DENND2C: variants seen among roughly 807,000 people sequenced by gnomAD.
DENND2C encodes DENN domain containing 2C.
A neutral mutation model predicts 112.4 loss-of-function variants in DENND2C; 72 were observed. The ratio of observed to expected loss-of-function variants is 0.64; its 90% CI spans 0.53 to 0.78. DENND2C has a LOEUF of 0.78. Ranked by LOEUF, DENND2C falls within the 30% of genes least tolerant of loss-of-function variation. The probability of loss-of-function intolerance (pLI) is 0.00; values close to 1 mark genes in which losing one functional copy is unlikely to be tolerated. For missense variants in DENND2C, 992 were observed against 1,113.8 expected (o/e 0.89, Z 1.56); for synonymous variants, 329 against 381.6 (o/e 0.86, Z 1.61).
At chr1:114,662,438 A>T (rs139970826) in intron 1 of DENND2C, among the ~76,000 whole-genome samples, 6 of 152,330 alleles carry the variant, frequency 3.9e-5, no homozygotes, top group Non-Finnish European at 7.4e-5. Context: ...TATGAATTCA[A>T]ACTTGAAGGA....
Position 114,625,596 on chromosome 1 carries a change from T to C in DENND2C, c.389A>G (p.Asp130Gly), listed in dbSNP as rs753308784. 3.7e-6 allele frequency: 6 copies of C among 1,614,186 alleles called. No individual in the cohort carries two copies. Among genetic ancestry groups the C allele is most frequent in the Non-Finnish European group, 5.1e-6 (6 of 1,180,026 alleles). ...TAATGAAGTCTCTGGATCTAAGACA[T>C]CTTCTTTACAGCTTTCAATTTCTTT... ...RVKEIESCKEDVLDPETSLPP... is the reference protein window; with the variant it reads ...RVKEIESCKEGVLDPETSLPP... The change falls in exon 4 of 21, where the codon GAT becomes GGT. Residue 130 changes from aspartate (D) to glycine (G), a missense_variant. Physicochemically the swap from Asp to Gly is moderately conservative, Grantham distance 94. Around this residue, in one of 3 missense-constraint regions of DENND2C, gnomAD observed 470 missense variants for 472.7 expected, o/e 0.99. Coordinates refer to ENST00000393274, the MANE Select transcript of DENND2C (RefSeq NM_001256404.2).
intron 7 of DENND2C, 75 bp from the exon 8 acceptor site, chr1:114,618,557 A>G (rs1318556424): frequency 8.5e-6 from 7 of 825,466 alleles, no homozygotes; most frequent in Non-Finnish European, 1.3e-5. Context: ...TTAATCTATT[A>G]GGGATTCTTA....
At chr1:114,608,285 A>C (rs1411110805) in intron 10 of DENND2C, among the ~76,000 whole-genome samples, 2 of 152,096 alleles carry the variant, frequency 1.3e-5, no homozygotes, top group Non-Finnish European at 2.9e-5. Context: ...AAAAAGAAAG[A>C]AAAAGAAAAG....
chr1:114,651,949 T>G (rs1657178503), intron 2 of DENND2C, among the ~76,000 whole-genome samples: 1 of 151,866 alleles, frequency 6.6e-6, no homozygotes, highest in African/African-American at 2.4e-5. Context: ...TAGCCCAGCA[T>G]GGGATGTTAG....
chr1:114,640,607 A>G (rs992206528), intron 3 of DENND2C, among the ~76,000 whole-genome samples: 9 of 152,174 alleles, frequency 5.9e-5, no homozygotes, highest in Non-Finnish European at 1.0e-4. Flanking sequence ...TAGAGACATT[A>G]AGGTCCACTT....
intron 9 of DENND2C, 151 bp downstream of exon 9, chr1:114,610,922 C>T (rs1350566474): frequency 9.0e-6 from 8 of 886,864 alleles, no homozygotes; most frequent in Non-Finnish European, 1.4e-5. Flanking sequence ...CTGTTTAATT[C>T]TCCAAACCTC....
At chr1:114,593,571 G>A (rs1341100669) in intron 18 of DENND2C, among the ~76,000 whole-genome samples, 1 of 152,130 alleles carries the variant, frequency 6.6e-6, no homozygotes, top group African/African-American at 2.4e-5. Context: ...GATTGCTTGA[G>A]ACCAGGAGTT....
At chr1:114,640,557 T>C (rs905334080) in intron 3 of DENND2C, among the ~76,000 whole-genome samples, 1 of 152,176 alleles carries the variant, frequency 6.6e-6, no homozygotes, top group African/African-American at 2.4e-5. Flanking sequence ...TGTGTGACCA[T>C]GGTGGGGTAT....
chr1:114,606,464 A>G (rs921637079), intron 10 of DENND2C, among the ~76,000 whole-genome samples: 1 of 152,180 alleles, frequency 6.6e-6, no homozygotes, highest in Non-Finnish European at 1.5e-5. Flanking sequence ...TAAACCCAAC[A>G]GTCCTAAAGT....
In DENND2C at chr1:114,621,916, C is replaced by T. The variant is rs1430063989; in HGVS notation, c.1206G>A (p.Thr402=). ...TTACCCTTGGAAGATTTTTCCTTTTCGTGTTTGCAACTTCACCAGCTCGGA... is the reference window on the plus strand; with the variant it reads ...TTACCCTTGGAAGATTTTTCCTTTTTGTGTTTGCAACTTCACCAGCTCGGA... ...KLFRAGEVAN[T]KRKNLPRLVL... is the part of the protein sequence containing the mutation. Residue 402 remains threonine, a synonymous_variant, in exon 7 of 21, where the codon ACG becomes ACA. Coordinates refer to ENST00000393274, the MANE Select transcript of DENND2C (RefSeq NM_001256404.2). The T allele has an allele frequency of 1.5e-5, 24 of 1,550,362 alleles. No individual in the cohort carries two copies. The highest frequency in any genetic ancestry group is 2.7e-5 in the African/African-American group (2 of 72,994).
intron 1 of DENND2C, among the ~76,000 whole-genome samples, chr1:114,662,887 G>A (rs1018220455): frequency 6.6e-6 from 1 of 152,136 alleles, no homozygotes; most frequent in Non-Finnish European, 1.5e-5. Context: ...GTGAGCCCAG[G>A]GGTTGGAGGC....
chr1:114,666,838 TA>T (rs1209269882), intron 1 of DENND2C, among the ~76,000 whole-genome samples: 1 of 152,238 alleles, frequency 6.6e-6, no homozygotes, highest in Non-Finnish European at 1.5e-5. Flanking sequence ...TTTAACACCA[TA>T]TTTTTTAGTG....
chr1:114,598,682 T>G (rs1655410706), intron 16 of DENND2C, among the ~76,000 whole-genome samples: 1 of 152,052 alleles, frequency 6.6e-6, no homozygotes, highest in Non-Finnish European at 1.5e-5. Context: ...GAAATAAGGT[T>G]TTTTGGGTTT....
intron 12 of DENND2C, 92 bp from the exon 13 acceptor site, chr1:114,601,677 T>G: frequency 8.9e-7 from 1 of 1,120,822 alleles, no homozygotes; most frequent in Non-Finnish European, 1.3e-6. Context: ...TTACTACTCT[T>G]TAGTACGGAG....
At chr1:114,629,817 T>G (rs1248302536) in intron 3 of DENND2C, among the ~76,000 whole-genome samples, 1 of 152,174 alleles carries the variant, frequency 6.6e-6, no homozygotes, top group African/African-American at 2.4e-5. Flanking sequence ...TAAATTCTCT[T>G]TGGGAAAGAG....
intron 2 of DENND2C, among the ~76,000 whole-genome samples, chr1:114,649,331 C>T (rs1307482228): frequency 1.3e-5 from 2 of 152,170 alleles, no homozygotes; most frequent in African/African-American, 4.8e-5. Flanking sequence ...TTTTCAGCTA[C>T]ACAAATTGCT....
rs1404710979 is a variant in DENND2C at position 114,605,047 on chromosome 1, C to T, written c.1558-16G>A. On this transcript the variant is annotated splice_polypyrimidine_tract_variant and intron_variant, in intron 10 of 20. Transcript: ENST00000393274. ...CATGATCATCCTGAAAAAGATAACA[C>T]CATAGGTGACTTAAATTATACTATG... The T allele has an allele frequency of 6.4e-7, 1 of 1,565,742 alleles. No individual in the cohort carries two copies. Among genetic ancestry groups the T allele is most frequent in the African/African-American group, 1.4e-5 (1 of 73,356 alleles).
intron 9 of DENND2C, 74 bp from the exon 10 acceptor site, chr1:114,608,947 C>T (rs1287649563): frequency 6.6e-7 from 1 of 1,510,128 alleles, no homozygotes; most frequent in Middle Eastern, 1.7e-4. Flanking sequence ...AGGTCATGAC[C>T]CACATAGGAT....
At chr1:114,592,903 CTT>C (rs1434524706) in intron 18 of DENND2C, among the ~76,000 whole-genome samples, 1 of 152,162 alleles carries the variant, frequency 6.6e-6, no homozygotes, top group African/African-American at 2.4e-5. Flanking sequence ...TACTTGGTCT[CTT>C]TGCAGCTGTA....
Sources: gnomAD v4.1 joint callset for allele counts (sites outside exome capture counted in the v4.1 genomes callset) on GRCh38, gnomAD v4.1.1 for gene constraint, gnomAD v4.1.1 regional missense constraint, MANE v1.5 for transcripts, NCBI Gene and HGNC (gene_info 2026-07-23, HGNC 2026-07-21) for gene names.